CDC40: variants seen among roughly 807,000 people sequenced by gnomAD.
The protein encoded by CDC40 is cell division cycle 40, also known as pre-mRNA-processing factor 17.
A neutral mutation model predicts 80.6 loss-of-function variants in CDC40; 27 were observed. The ratio of observed to expected loss-of-function variants is 0.33; its 90% CI spans 0.25 to 0.46. The LOEUF (loss-of-function observed/expected upper bound fraction) is 0.46, where lower values mean the gene tolerates loss of function less well. CDC40 is among the 20% of genes least tolerant of loss of function. The pLI is 1.00. For synonymous variants in CDC40, 221 were observed against 232.6 expected (o/e 0.95, Z 0.45); for missense variants, 486 against 694.1 (o/e 0.70, Z 3.37).
rs760465239 is a variant in CDC40 at position 110,219,917 on chromosome 6, A to C, written c.1340+48A>C. 1.9e-6 allele frequency: 3 copies of C among 1,579,800 alleles called. No homozygotes were observed. The Admixed American group carries it at 5.5e-5, about 29-fold the overall frequency. On this transcript the variant is annotated intron_variant, in intron 12 of 14. Coordinates refer to ENST00000307731, the MANE Select transcript of CDC40 (RefSeq NM_015891.3). Reference sequence around the variant, plus strand: ...TCTGATTTACATAAAGCAAGCAGTTAAAAATTATATAGACAAAGATGAAGC... The same window carrying C: ...TCTGATTTACATAAAGCAAGCAGTTCAAAATTATATAGACAAAGATGAAGC...
intron 8 of CDC40, among the ~76,000 whole-genome samples, chr6:110,214,898 C>A (rs1777679501): frequency 6.6e-6 from 1 of 152,144 alleles, no homozygotes; most frequent in South Asian, 2.1e-4. Flanking sequence ...GTTTTAATAA[C>A]AATTCCTTTA....
intron 6 of CDC40, chr6:110,211,649 A>G (rs1584076149): frequency 6.5e-6 from 1 of 152,796 alleles, no homozygotes; most frequent in East Asian, 1.9e-4. Flanking sequence ...AAAATTTGTG[A>G]TGAAAGTGGG....
chr6:110,195,845 A>G (rs1777412234), intron 2 of CDC40, among the ~76,000 whole-genome samples: 1 of 152,186 alleles, frequency 6.6e-6, no homozygotes, highest in Non-Finnish European at 1.5e-5. Flanking sequence ...AACATTGCGC[A>G]AGGCTTTGGG....
intron 12 of CDC40, among the ~76,000 whole-genome samples, chr6:110,220,737 A>T (rs61116987): frequency 1.3e-5 from 2 of 152,020 alleles, no homozygotes; most frequent in African/African-American, 2.4e-5. Flanking sequence ...GAGCCACTGC[A>T]CCCAGCCAGA....
At position 110,188,077 on chromosome 6, in the gene CDC40, G is replaced by T. The variant is rs185428120; in HGVS notation, c.190-5105G>T. On this transcript the variant is annotated intron_variant, in intron 1 of 14. Coordinates refer to ENST00000307731, the MANE Select transcript of CDC40 (RefSeq NM_015891.3). ...TGGGACTTACTTATATTTTTTATTG[G>T]CTGCCAGTGTTGCTTATATAAACAG... Among the ~76,000 whole-genome samples, 248 of 152,152 alleles carry T rather than the reference G, an allele frequency of 1.6e-3. 3 individuals are homozygous for T. The highest frequency in any genetic ancestry group is 4.1e-3 in the South Asian group (20 of 4,820).
At chr6:110,185,230 C>A (rs1055756544) in intron 1 of CDC40, among the ~76,000 whole-genome samples, 12 of 147,792 alleles carry the variant, frequency 8.1e-5, no homozygotes, top group Non-Finnish European at 1.6e-4. Flanking sequence ...TCTTTTTCTT[C>A]ATCTTTTTTT....
intron 2 of CDC40, among the ~76,000 whole-genome samples, chr6:110,198,234 G>A (rs1173021297): frequency 6.7e-6 from 1 of 150,188 alleles, no homozygotes; most frequent in Admixed American, 6.6e-5. Context: ...CTGAAGTGCA[G>A]TGGTGTGATC....
chr6:110,229,897 C>T (rs1020805672), intron 14 of CDC40, 57 bp from the exon 15 acceptor site: 41 of 1,183,822 alleles, frequency 3.5e-5, no homozygotes, highest in Non-Finnish European at 5.0e-5. Context: ...ATTCCTCATT[C>T]GCCTTACCAA....
intron 1 of CDC40, among the ~76,000 whole-genome samples, chr6:110,186,715 CA>C (rs1777275507): frequency 6.6e-6 from 1 of 152,102 alleles, no homozygotes; most frequent in African/African-American, 2.4e-5. Flanking sequence ...ACCCGCACCC[CA>C]TTTTTTTGAG....
chr6:110,211,030 C>A (rs1777630741), intron 6 of CDC40: 1 of 214,846 alleles, frequency 4.7e-6, no homozygotes, highest in East Asian at 8.8e-5. Context: ...AATTTTTTTC[C>A]AAGTGTGAAT....
At chr6:110,201,521 C>T in intron 2 of CDC40, 37 bp from the exon 3 acceptor site, 1 of 1,507,794 alleles carries the variant, frequency 6.6e-7, no homozygotes, top group Non-Finnish European at 9.0e-7. Flanking sequence ...TTGTGTCTTT[C>T]TTATTTTATT....
chr6:110,193,309 T>G (rs1777376068), intron 2 of CDC40, 41 bp downstream of exon 2: 1 of 1,165,662 alleles, frequency 8.6e-7, no homozygotes, highest in Non-Finnish European at 1.3e-6. Context: ...TGCTAAAGAA[T>G]TTAAATCATA....
Position 110,206,432 on chromosome 6 carries a change from CTAA to C in CDC40, c.407-1072_407-1070del, listed in dbSNP as rs953233765. On this transcript the variant is annotated intron_variant, in intron 3 of 14. Coordinates refer to ENST00000307731, the MANE Select transcript of CDC40 (RefSeq NM_015891.3). Reference sequence around the variant, plus strand: ...TTAGCACTCTTGTGAATATACCAGACTAATGTTACCAAACATTTACTGTGCTAG... The same window carrying C: ...TTAGCACTCTTGTGAATATACCAGACTGTTACCAAACATTTACTGTGCTAG... 5.1e-4 allele frequency among the ~76,000 whole-genome samples: 77 copies of C among 152,302 alleles called. 1 individual carries two copies. The highest frequency in any genetic ancestry group is 1.8e-3 in the African/African-American group (73 of 41,566).
intron 1 of CDC40, among the ~76,000 whole-genome samples, chr6:110,182,793 A>T (rs1193789410): frequency 6.6e-6 from 1 of 152,192 alleles, no homozygotes; most frequent in Non-Finnish European, 1.5e-5. Flanking sequence ...CTCTTCAGAC[A>T]GTTGTAGCCT....
At chr6:110,218,917 A>G (rs572610610) in intron 10 of CDC40, among the ~76,000 whole-genome samples, 21 of 146,288 alleles carry the variant, frequency 1.4e-4, no homozygotes, top group Admixed American at 1.4e-3. Flanking sequence ...AAGGTTTCTT[A>G]TGCCCTTTTC....
chr6:110,202,988 G>T (rs1280862536), intron 3 of CDC40, among the ~76,000 whole-genome samples: 1 of 152,072 alleles, frequency 6.6e-6, no homozygotes, highest in African/African-American at 2.4e-5. Context: ...TAAAATAAAC[G>T]GAATGGCCAG....
intron 12 of CDC40, among the ~76,000 whole-genome samples, chr6:110,222,181 G>A (rs1777786298): frequency 6.6e-6 from 1 of 152,082 alleles, no homozygotes; most frequent in African/African-American, 2.4e-5. Flanking sequence ...CTTGTGTCTG[G>A]GAGGTCAAGG....
rs146309558 is a variant in CDC40 at position 110,180,477 on chromosome 6, C to G, written c.33C>G (p.Ser11=). 34 of 1,614,084 alleles carry G rather than the reference C, an allele frequency of 2.1e-5. 1 individual carries two copies. In the Middle Eastern group the frequency reaches 6.6e-4, roughly 31 times the overall value. Residue 11 remains serine, a synonymous_variant, in exon 1 of 15, where the codon TCC becomes TCG. Coordinates refer to ENST00000307731, the MANE Select transcript of CDC40 (RefSeq NM_015891.3). ...CTGCGATTGCAGCTCTGGCCGCTTC[C>G]TATGGTTCGGGTTCAGGGTCCGAAT... MSAAIAALAA[S]YGSGSGSESD...
Position 110,215,321 on chromosome 6 carries a change from A to G in CDC40, c.978A>G (p.Arg326=), listed in dbSNP as rs1290801811. Residue 326 remains arginine (R), a synonymous_variant, in exon 9 of 15, where the codon AGA becomes AGG. Transcript: ENST00000307731. ...TTTATGGAGAACGGCGCTGTCTGAG[A>G]ACATTTATTGGTAATGCTTCTTTTC... ...WEVYGERRCL[R]TFIGHSKAVR... The G allele has an allele frequency of 6.2e-7, 1 of 1,613,016 alleles. No individual in the cohort carries two copies. Among genetic ancestry groups the G allele is most frequent in the South Asian group, 1.1e-5 (1 of 91,050 alleles).
Sources: allele counts gnomAD v4.1 joint callset (sites outside exome capture counted in the v4.1 genomes callset), GRCh38; gene constraint gnomAD v4.1.1; transcripts MANE v1.5; gene names NCBI Gene and HGNC (gene_info 2026-07-23, HGNC 2026-07-21).